ZNF469: variants seen among roughly 807,000 people sequenced by gnomAD.
The protein encoded by ZNF469 is zinc finger protein 469.
In ZNF469, 1 loss-of-function variant was observed where a neutral mutation model predicts 1.0. The observed-to-expected ratio is 1.00, with a 90% CI of 0.35 to 4.73. ZNF469 has a LOEUF of 4.73. ZNF469 is among the 30% of genes most tolerant of loss of function. The pLI is 0.16. For missense variants in ZNF469, 6,100 were observed against 5,356.3 expected (o/e 1.14, Z -4.33); for synonymous variants, 2,703 against 2,363.4 (o/e 1.14, Z -4.17).
chr16:88,321,655 G>A, the ZNF469 span, among the ~76,000 whole-genome samples: 6,308 of 151,978 alleles, frequency 0.042, 427 homozygotes, highest in African/African-American at 0.14. Context: ...TGTGACCCTC[G>A]GATTCTGCTC....
chr16:88,196,670 C>A, the ZNF469 span, among the ~76,000 whole-genome samples: 1 of 152,152 alleles, frequency 6.6e-6, no homozygotes, highest in Non-Finnish European at 1.5e-5. Flanking sequence ...ACTGACAGGC[C>A]CCTTGCTCTG....
the ZNF469 span, among the ~76,000 whole-genome samples, chr16:88,139,632 C>T: frequency 2.0e-5 from 3 of 150,514 alleles, no homozygotes; most frequent in Admixed American, 6.6e-5. Flanking sequence ...GGATCTGAAA[C>T]CTTTTTGTCC....
chr16:88,372,093 C>T, the ZNF469 span, among the ~76,000 whole-genome samples: 1 of 120,158 alleles, frequency 8.3e-6, no homozygotes, highest in African/African-American at 3.3e-5. Context: ...TCATCACCAT[C>T]ACCACCATCA....
At position 88,436,338 on chromosome 16, in the gene ZNF469, C is replaced by T. The variant is rs137930753; in HGVS notation, c.8868C>T (p.Pro2956=). The T allele has an allele frequency of 1.3e-3, 2,053 of 1,549,498 alleles. 20 individuals carry two copies. In the African/African-American group the frequency reaches 0.024, roughly 18 times the overall value. The part of the protein sequence containing the change: ...SRVPGIDPWA[P]GLSLWALEPS... ...TGCCTGGCATTGACCCCTGGGCCCC[C>T]GGCCTCAGCCTGTGGGCCCTGGAGC... Residue 2956 remains proline, a synonymous_variant, in exon 3 of 3, where the codon CCC becomes CCT. Coordinates refer to ENST00000565624, the MANE Select transcript of ZNF469 (RefSeq NM_001367624.2).
At chr16:88,159,581 G>C in the ZNF469 span, among the ~76,000 whole-genome samples, 1 of 152,282 alleles carries the variant, frequency 6.6e-6, no homozygotes, top group East Asian at 1.9e-4. Context: ...GCCCTTCCCC[G>C]CATTCTCGTC....
the ZNF469 span, among the ~76,000 whole-genome samples, chr16:88,144,191 C>G: frequency 6.6e-6 from 1 of 152,150 alleles, no homozygotes. Context: ...ACAGAGGCCA[C>G]AACAAGGCCA....
At chr16:88,372,593 C>G in the ZNF469 span, among the ~76,000 whole-genome samples, 1 of 151,860 alleles carries the variant, frequency 6.6e-6, no homozygotes, top group East Asian at 1.9e-4. Flanking sequence ...TCACCATCAT[C>G]ATTACCACCG....
the ZNF469 span, among the ~76,000 whole-genome samples, chr16:88,319,451 G>A: frequency 6.6e-6 from 1 of 152,182 alleles, no homozygotes; most frequent in South Asian, 2.1e-4. Flanking sequence ...GAGGCAGTCC[G>A]AGGCCTCGGA....
At chr16:88,319,842 G>A in the ZNF469 span, among the ~76,000 whole-genome samples, 3 of 152,198 alleles carry the variant, frequency 2.0e-5, no homozygotes, top group African/African-American at 4.8e-5. Context: ...TGGAGACCAA[G>A]CTGCTGGGTG....
chr16:88,287,114 A>G, the ZNF469 span, among the ~76,000 whole-genome samples: 1 of 152,200 alleles, frequency 6.6e-6, no homozygotes, highest in Non-Finnish European at 1.5e-5. Flanking sequence ...TCCAGGCCAT[A>G]TGCTGTTCTG....
At chr16:88,162,676 C>CA in the ZNF469 span, among the ~76,000 whole-genome samples, 1 of 150,900 alleles carries the variant, frequency 6.6e-6, no homozygotes, top group Admixed American at 6.6e-5. Flanking sequence ...TAGTGCCCCC[C>CA]CCCTTTTATT....
At chr16:88,272,947 C>T in the ZNF469 span, among the ~76,000 whole-genome samples, 25 of 134,354 alleles carry the variant, frequency 1.9e-4, no homozygotes, top group Non-Finnish European at 3.0e-4. Context: ...GATGGATGAA[C>T]GGGTGGGTGT....
Position 88,438,573 on chromosome 16 carries a change from G to A in ZNF469, c.11103G>A (p.Lys3701=). 1 of 1,550,156 alleles carries A rather than the reference G, an allele frequency of 6.5e-7. No homozygotes were observed. Among genetic ancestry groups the A allele is most frequent in the East Asian group, 2.4e-5 (1 of 40,914 alleles). Residue 3701 remains lysine, a synonymous_variant, in exon 3 of 3, where the codon AAG becomes AAA. Transcript: ENST00000565624. The stretch of plus-strand genomic sequence containing the variant: ...TCAAGTTCCCAGTGCACCCAAGGAA[G>A]GCGGTGGGGAGCCTGGCACCCGGGG... ...KALKFPVHPR[K]AVGSLAPGEL...
chr16:88,365,126 C>A, the ZNF469 span, among the ~76,000 whole-genome samples: 2 of 152,306 alleles, frequency 1.3e-5, no homozygotes, highest in East Asian at 3.9e-4. Context: ...ATTTTGGGAT[C>A]CATGAGTCGA....
chr16:88,438,077 A>G lies in ZNF469; in HGVS notation c.10607A>G (p.His3536Arg). 1 of 1,550,212 alleles carries G rather than the reference A, an allele frequency of 6.5e-7. No individual in the cohort carries two copies. The highest frequency in any genetic ancestry group is 8.7e-7 in the Non-Finnish European group (1 of 1,146,922). Residue 3536 changes from histidine (H) to arginine (R), a missense_variant, in exon 3 of 3, where the codon CAC becomes CGC. By Grantham distance (29) the His-to-Arg change is conservative (BLOSUM62 0). Transcript: ENST00000565624. ...TLERPVDPVT[H>R]PIRGCELPSN... ...GAGAGGCCTGTAGACCCCGTGACCC[A>G]CCCGATCAGAGGTTGTGAGCTGCCA...
chr16:88,224,143 A>T, the ZNF469 span, among the ~76,000 whole-genome samples: 1 of 152,318 alleles, frequency 6.6e-6, no homozygotes, highest in South Asian at 2.1e-4. Flanking sequence ...CCTTCTGCAG[A>T]AGGGCGCTGA....
Position 88,430,273 on chromosome 16 carries a change from G to A in ZNF469, c.2803G>A (p.Glu935Lys), listed in dbSNP as rs117995699. The change falls in exon 3 of 3, where the codon GAG (glutamate) becomes AAG (lysine). Residue 935 changes from glutamate to lysine, a missense_variant. Glu to Lys is a moderately conservative substitution (Grantham distance 56). Transcript: ENST00000565624. The stretch of plus-strand genomic sequence containing the variant: ...GCGTTCCCTGGGTCTGGCCCCCACC[G>A]AGGCGGATGCGCCCAGCCAGGGCAG... ...KTRSLGLAPT[E>K]ADAPSQGRQQ... 1.2e-3 allele frequency: 1,836 copies of A among 1,515,830 alleles called. 23 individuals are homozygous for A. The East Asian group carries it at 0.027, about 23-fold the overall frequency. 93.9% of individuals were successfully genotyped at this position (1,515,830 alleles called of 1,614,324 possible).
At position 88,433,560 on chromosome 16, in the gene ZNF469, C is replaced by A; in HGVS notation, c.6090C>A (p.Thr2030=). 8 of 1,550,376 alleles carry A rather than the reference C, an allele frequency of 5.2e-6. No homozygotes were observed. The highest frequency in any genetic ancestry group is 7.0e-6 in the Non-Finnish European group (8 of 1,146,946). The part of the protein sequence containing the change: ...ASPKTALTGP[T]EGAVLLEKCK... ...CCAAAACAGCGCTGACCGGCCCCAC[C>A]GAGGGTGCAGTCCTGCTAGAGAAAT... Residue 2030 remains threonine (T), a synonymous_variant, in exon 3 of 3, where the codon ACC becomes ACA. Coordinates refer to ENST00000565624, the MANE Select transcript of ZNF469 (RefSeq NM_001367624.2).
At chr16:88,103,849 A>T in the ZNF469 span, among the ~76,000 whole-genome samples, 1 of 141,306 alleles carries the variant, frequency 7.1e-6, no homozygotes, top group African/African-American at 2.7e-5. Flanking sequence ...CCTCCGTGGC[A>T]CGGAGGGGGT....
Sources: gnomAD v4.1 joint callset for allele counts (sites outside exome capture counted in the v4.1 genomes callset) on GRCh38, gnomAD v4.1.1 for gene constraint, MANE v1.5 for transcripts, NCBI Gene and HGNC (gene_info 2026-07-23, HGNC 2026-07-21) for gene names.